Variants in DNAAF5 observed in about 807,000 individuals in gnomAD.
DNAAF5 encodes the protein dynein axonemal assembly factor 5.
DNAAF5 carries 64 observed loss-of-function variants against 75.8 expected under a neutral mutation model. That is an observed-to-expected ratio of 0.84 (90% CI 0.69 to 1.04). The LOEUF (loss-of-function observed/expected upper bound fraction) is 1.04, where lower values mean the gene tolerates loss of function less well. DNAAF5 is among the 50% of genes least tolerant of loss of function. DNAAF5 has a pLI of 0.00. For synonymous variants in DNAAF5, 657 were observed against 557.2 expected (o/e 1.18, Z -2.52); for missense variants, 1,269 against 1,178.5 (o/e 1.08, Z -1.12).
At chr7:769,460 G>A (rs1242080151) in intron 8 of DNAAF5, among the ~76,000 whole-genome samples, 6 of 152,062 alleles carry the variant, frequency 3.9e-5, no homozygotes, top group African/African-American at 1.4e-4. Context: ...CACAGTGCAG[G>A]CGCCCAAGCC....
chr7:772,063 C>G (rs1321171799), intron 9 of DNAAF5: 1 of 152,372 alleles, frequency 6.6e-6, no homozygotes, highest in Non-Finnish European at 1.5e-5. Flanking sequence ...ATCGTCTGCG[C>G]AGAGCACCTT....
At chr7:737,446 G>A (rs920430566) in intron 2 of DNAAF5, among the ~76,000 whole-genome samples, 1 of 152,220 alleles carries the variant, frequency 6.6e-6, no homozygotes, top group Admixed American at 6.5e-5. Flanking sequence ...GTCAAGATGT[G>A]AGTAGTTTAC....
intron 4 of DNAAF5, among the ~76,000 whole-genome samples, chr7:748,853 G>A (rs978121203): frequency 5.3e-5 from 8 of 152,292 alleles, no homozygotes; most frequent in South Asian, 4.2e-4. Context: ...TTGGGTTGCC[G>A]AGTGCGTGAA....
At position 726,712 on chromosome 7, in the gene DNAAF5, G is replaced by C; in HGVS notation, c.-9G>C. On this transcript the variant is annotated 5_prime_UTR_variant, in exon 1 of 13. Transcript: ENST00000297440. The stretch of plus-strand genomic sequence containing the variant: ...GCTGTTCCCCTTAGTGACCGGCGAC[G>C]CGGGCAAGATGGCGGCGCTGGGGGT... 6 of 1,238,694 alleles carry C rather than the reference G, an allele frequency of 4.8e-6. No individual in the cohort carries two copies. The highest frequency in any genetic ancestry group is 6.0e-6 in the Non-Finnish European group (6 of 991,978). 76.7% of individuals were successfully genotyped at this position (1,238,694 alleles called of 1,614,324 possible).
intron 2 of DNAAF5, among the ~76,000 whole-genome samples, chr7:732,364 C>A (rs1448001885): frequency 6.6e-6 from 1 of 152,258 alleles, no homozygotes; most frequent in Non-Finnish European, 1.5e-5. Context: ...CTTGAACAAA[C>A]TGCCCTGTGC....
At position 726,885 on chromosome 7, in the gene DNAAF5, C is replaced by T; in HGVS notation, c.165C>T (p.Arg55=). 1 of 1,328,866 alleles carries T rather than the reference C, an allele frequency of 7.5e-7. No individual in the cohort carries two copies. Among genetic ancestry groups the T allele is most frequent in the Non-Finnish European group, 9.6e-7 (1 of 1,041,800 alleles). The allele number at this position is 1,328,866 out of a possible 1,614,324, so 82.3% of individuals were successfully genotyped here. Reference sequence around the variant, plus strand: ...GGCGCGCCTTGGAGGCCCTGCGGCGCGCGCTGGAGGAGCCAGGCCCTGCCG... The same window carrying T: ...GGCGCGCCTTGGAGGCCCTGCGGCGTGCGCTGGAGGAGCCAGGCCCTGCCG... The part of the protein sequence containing the change: ...GRRRALEALR[R]ALEEPGPAAD... Residue 55 remains arginine, a synonymous_variant, in exon 1 of 13, where the codon CGC becomes CGT. Transcript: ENST00000297440.
intron 8 of DNAAF5, among the ~76,000 whole-genome samples, chr7:767,372 G>A (rs1778342713): frequency 6.6e-6 from 1 of 152,078 alleles, no homozygotes; most frequent in Non-Finnish European, 1.5e-5. Flanking sequence ...TGCGCATCTG[G>A]AATTGCCAAT....
chr7:770,792 G>A (rs1403668811), intron 9 of DNAAF5, 174 bp downstream of exon 9: 1 of 608,020 alleles, frequency 1.6e-6, no homozygotes, highest in South Asian at 2.6e-5. Context: ...GTGGGCCGGG[G>A]GTCCCCACCT....
At chr7:746,914 G>A (rs923280380) in intron 4 of DNAAF5, among the ~76,000 whole-genome samples, 1 of 152,316 alleles carries the variant, frequency 6.6e-6, no homozygotes, top group East Asian at 1.9e-4. Context: ...GAGCGTGGCC[G>A]CTGGCGTCTG....
intron 12 of DNAAF5, among the ~76,000 whole-genome samples, chr7:782,788 A>T (rs1207592491): frequency 6.8e-6 from 1 of 146,000 alleles, no homozygotes; most frequent in Non-Finnish European, 1.5e-5. Flanking sequence ...GCCTCCCGTC[A>T]CGCAGCGTCA....
At chr7:743,557 A>AGAGC (rs1781988517) in intron 4 of DNAAF5, among the ~76,000 whole-genome samples, 2 of 151,358 alleles carry the variant, frequency 1.3e-5, no homozygotes, top group Admixed American at 1.3e-4. Flanking sequence ...CTGTACAGGG[A>AGAGC]AAGCACACAT....
chr7:729,576 G>C, intron 1 of DNAAF5, 87 bp from the exon 2 acceptor site: 1 of 1,311,588 alleles, frequency 7.6e-7, no homozygotes. Context: ...GGAACTCATA[G>C]GCAGGCAGCC....
At chr7:737,642 T>G (rs1000215655) in intron 2 of DNAAF5, among the ~76,000 whole-genome samples, 1 of 152,204 alleles carries the variant, frequency 6.6e-6, no homozygotes, top group Admixed American at 6.5e-5. Context: ...TTTGTTTGTC[T>G]GGGAAAGTCT....
At chr7:762,829 G>T (rs1782707122) in intron 7 of DNAAF5, among the ~76,000 whole-genome samples, 1 of 152,152 alleles carries the variant, frequency 6.6e-6, no homozygotes, top group African/African-American at 2.4e-5. Context: ...GGCCAGGTTG[G>T]TCTCAAGCTC....
chr7:748,864 C>T (rs377571394), intron 4 of DNAAF5, among the ~76,000 whole-genome samples: 1 of 152,214 alleles, frequency 6.6e-6, no homozygotes, highest in Non-Finnish European at 1.5e-5. Flanking sequence ...AGTGCGTGAA[C>T]AGGCAAAGTT....
intron 4 of DNAAF5, among the ~76,000 whole-genome samples, chr7:743,747 C>T (rs1361771059): frequency 6.7e-6 from 1 of 150,348 alleles, no homozygotes; most frequent in Non-Finnish European, 1.5e-5. Context: ...CAGGTTCAAG[C>T]GATTCTCCTG....
intron 4 of DNAAF5, among the ~76,000 whole-genome samples, chr7:748,708 G>A (rs1782197696): frequency 6.6e-6 from 1 of 152,098 alleles, no homozygotes; most frequent in South Asian, 2.1e-4. Flanking sequence ...TCGCTCCAGG[G>A]GCCAGTCTGT....
chr7:759,727 G>A (rs1047191233), intron 6 of DNAAF5, among the ~76,000 whole-genome samples: 3 of 152,252 alleles, frequency 2.0e-5, no homozygotes, highest in Non-Finnish European at 2.9e-5. Context: ...CCTCAGAGAC[G>A]GTGCTGCGTT....
chr7:760,787 G>T (rs1782620284), intron 6 of DNAAF5, among the ~76,000 whole-genome samples: 1 of 152,238 alleles, frequency 6.6e-6, no homozygotes, highest in Non-Finnish European at 1.5e-5. Context: ...GGAGCCGGGA[G>T]GGGAAGCCAT....
Sources: gnomAD v4.1 joint callset for allele counts (sites outside exome capture counted in the v4.1 genomes callset) on GRCh38, gnomAD v4.1.1 for gene constraint, MANE v1.5 for transcripts, NCBI Gene and HGNC (gene_info 2026-07-23, HGNC 2026-07-21) for gene names.